Variants in PCSK6 observed in about 807,000 individuals in gnomAD.
PCSK6 encodes paired basic amino acid cleaving enzyme 4.
PCSK6 carries 85 observed loss-of-function variants against 123.3 expected under a neutral mutation model. The ratio of observed to expected loss-of-function variants is 0.69; its 90% CI spans 0.58 to 0.83. The LOEUF is 0.83. PCSK6 is among the 40% of genes least tolerant of loss of function. The probability of loss-of-function intolerance (pLI) is 0.00; values close to 1 mark genes in which losing one functional copy is unlikely to be tolerated. For missense variants in PCSK6, 1,191 were observed against 1,282.3 expected (o/e 0.93, Z 1.09); for synonymous variants, 508 against 516.0 (o/e 0.98, Z 0.21).
chr15:101,347,811 G>T, intron 13 of PCSK6: 1 of 1,572,596 alleles, frequency 6.4e-7, no homozygotes, highest in Non-Finnish European at 8.8e-7. Flanking sequence ...AAGCCCATGG[G>T]CTGAAGCTTT....
chr15:101,433,721 C>T (rs2056515457), intron 2 of PCSK6, among the ~76,000 whole-genome samples: 2 of 152,318 alleles, frequency 1.3e-5, no homozygotes, highest in South Asian at 4.1e-4. Flanking sequence ...GAGTAACAGT[C>T]CCCAAGAGCA....
chr15:101,384,449 G>A (rs373666035), intron 9 of PCSK6, 24 bp from the exon 10 acceptor site: 2 of 1,597,002 alleles, frequency 1.3e-6, no homozygotes, highest in Non-Finnish European at 1.7e-6. Context: ...ACACACCCTA[G>A]AGTCCACACA....
intron 1 of PCSK6, among the ~76,000 whole-genome samples, chr15:101,453,095 C>T (rs1488814268): frequency 6.6e-6 from 1 of 152,212 alleles, no homozygotes; most frequent in Non-Finnish European, 1.5e-5. Context: ...AAACTGAAGA[C>T]AAAACTCTTT....
At chr15:101,460,511 A>G (rs138237841) in intron 1 of PCSK6, among the ~76,000 whole-genome samples, 37 of 152,332 alleles carry the variant, frequency 2.4e-4, no homozygotes, top group African/African-American at 7.2e-4. Flanking sequence ...CAAAAAGCCA[A>G]TGGCAGTGGA....
At chr15:101,384,989 T>C (rs1424503041) in intron 9 of PCSK6, among the ~76,000 whole-genome samples, 1 of 152,334 alleles carries the variant, frequency 6.6e-6, no homozygotes, top group African/African-American at 2.4e-5. Flanking sequence ...CAGATGATTT[T>C]TTAAAATTTC....
chr15:101,320,221 G>C (rs1030066551), intron 18 of PCSK6, among the ~76,000 whole-genome samples: 4 of 152,210 alleles, frequency 2.6e-5, no homozygotes, highest in African/African-American at 7.2e-5. Flanking sequence ...GAGTAGCTGA[G>C]ATTACAGGCG....
intron 1 of PCSK6, among the ~76,000 whole-genome samples, chr15:101,466,160 A>G (rs2057455141): frequency 6.6e-6 from 1 of 152,174 alleles, no homozygotes; most frequent in South Asian, 2.1e-4. Context: ...CTGATAAAGG[A>G]CTCGTATCTA....
rs573076222 is a variant in PCSK6 at position 101,355,850 on chromosome 15, C to T, written c.1858+10346G>A. ...GGCAGGTGCACAGGCTCTGCCTTGT[C>T]GTTCAGGTGCAACCACCAACGTAGG... On this transcript the variant is annotated intron_variant, in intron 13 of 21. Coordinates refer to ENST00000611716, the MANE Select transcript of PCSK6 (RefSeq NM_002570.5). Among the ~76,000 whole-genome samples the T allele has an allele frequency of 1.1e-3, 161 of 152,242 alleles. 1 individual carries two copies. Among genetic ancestry groups the T allele is most frequent in the African/African-American group, 3.7e-3 (152 of 41,554 alleles).
Position 101,347,166 on chromosome 15 carries a change from C to T in PCSK6, c.1859-15135G>A, listed in dbSNP as rs12591126. The T allele has an allele frequency of 6.9e-3, 8,482 of 1,231,688 alleles. 491 individuals are homozygous for T. The East Asian group carries it at 0.16, about 23-fold the overall frequency. 76.3% of individuals were successfully genotyped at this position (1,231,688 alleles called of 1,614,324 possible). On this transcript the variant is annotated intron_variant, in intron 13 of 21. Transcript: ENST00000611716. ...AGAGTTTAGTGACAAACTTGAAAGC[C>T]GGCACAGAAGGCATGTGCTTTAAAT...
At chr15:101,458,680 C>T (rs575047893) in intron 1 of PCSK6, among the ~76,000 whole-genome samples, 2 of 152,214 alleles carry the variant, frequency 1.3e-5, no homozygotes, top group African/African-American at 2.4e-5. Flanking sequence ...ATTGGCTCCT[C>T]GCTCCTTCCG....
rs1194229225 is a variant in PCSK6, at chr15:101,443,646, T to G, written c.312A>C (p.Glu104Asp). ...YLNLGQIGNL[E>D]DYYHFYHSKT... ...TGCTGTGATAAAAATGGTAGTAATC[T>G]TCCAGGTTTCCAATCTGCAAGACAA... Residue 104 changes from glutamate (E) to aspartate (D), a missense_variant, in exon 2 of 22, where the codon GAA becomes GAC. Transcript: ENST00000611716. 4 of 1,613,102 alleles carry G rather than the reference T, an allele frequency of 2.5e-6. No homozygotes were observed. The highest frequency in any genetic ancestry group is 3.4e-6 in the Non-Finnish European group (4 of 1,179,186).
chr15:101,468,501 AG>A (rs1161880724), intron 1 of PCSK6, among the ~76,000 whole-genome samples: 4 of 152,234 alleles, frequency 2.6e-5, no homozygotes, highest in African/African-American at 7.2e-5. Context: ...AGGAGCTTTT[AG>A]ATTACTGGTT....
chr15:101,424,591 A>G (rs991148024), intron 6 of PCSK6, among the ~76,000 whole-genome samples: 1 of 151,514 alleles, frequency 6.6e-6, no homozygotes, highest in Non-Finnish European at 1.5e-5. Context: ...AGCTAGAAAA[A>G]GTAAGGAAGA....
At position 101,465,815 on chromosome 15, in the gene PCSK6, A is replaced by T. The variant is rs149041196; in HGVS notation, c.298-22155T>A. Among the ~76,000 whole-genome samples the T allele has an allele frequency of 8.5e-4, 129 of 152,328 alleles. 1 individual carries two copies. Among genetic ancestry groups the T allele is most frequent in the Middle Eastern group, 3.4e-3 (1 of 294 alleles). ...TAATCTTTAAGGAAACCACTAAAAA[A>T]ATTTTAAGAGAAGTATAATCGACAC... On this transcript the variant is annotated intron_variant, in intron 1 of 21. Coordinates refer to ENST00000611716, the MANE Select transcript of PCSK6 (RefSeq NM_002570.5).
intron 2 of PCSK6, among the ~76,000 whole-genome samples, chr15:101,438,570 G>A (rs187417495): frequency 2.1e-4 from 32 of 152,332 alleles, no homozygotes; most frequent in African/African-American, 6.0e-4. Context: ...TGAACTCCAA[G>A]TTCCTCTCTC....
At chr15:101,384,285 G>GGCCA in intron 10 of PCSK6, 37 bp downstream of exon 10, 1 of 1,606,364 alleles carries the variant, frequency 6.2e-7, no homozygotes, top group Non-Finnish European at 8.5e-7. Context: ...CACATTCCAG[G>GGCCA]GCCACCCAAT....
intron 9 of PCSK6, among the ~76,000 whole-genome samples, chr15:101,386,807 G>A (rs1360786988): frequency 4.6e-5 from 7 of 152,180 alleles, no homozygotes; most frequent in African/African-American, 7.2e-5. Flanking sequence ...TGGCTGGGCC[G>A]GTATCTACCC....
chr15:101,410,201 G>C (rs776998312), intron 6 of PCSK6, among the ~76,000 whole-genome samples: 30 of 152,352 alleles, frequency 2.0e-4, no homozygotes, highest in Admixed American at 9.1e-4. Flanking sequence ...CCAAACTGCA[G>C]GGATTTTGTG....
chr15:101,370,367 G>A lies in PCSK6; in HGVS notation c.1689C>T (p.Pro563=), dbSNP rs564068857. 1.9e-6 allele frequency: 3 copies of A among 1,552,746 alleles called. No homozygotes were observed. The highest frequency in any genetic ancestry group is 2.0e-5 in the Admixed American group (1 of 50,984). ...CCAGAAGTTGAGACTTGGTTCCCGA[G>A]GGAGAAACCAGGTAGATCTGGAGGT... ...RGDLQIYLVS[P]SGTKSQLLAK... is the part of the protein sequence containing the mutation. Residue 563 remains proline (P), a synonymous_variant, in exon 12 of 22, where the codon CCC becomes CCT. Transcript: ENST00000611716.
Sources: gnomAD v4.1 joint callset for allele counts (sites outside exome capture counted in the v4.1 genomes callset) on GRCh38, gnomAD v4.1.1 for gene constraint, MANE v1.5 for transcripts, NCBI Gene and HGNC (gene_info 2026-07-23, HGNC 2026-07-21) for gene names.